The following YES1 variants were observed in gnomAD, a reference collection of about 807,000 sequenced individuals.
The protein encoded by YES1 is YES proto-oncogene 1, Src family tyrosine kinase.
In YES1, 39 loss-of-function variants were observed where a neutral mutation model predicts 70.4. The observed-to-expected ratio is 0.55, with a 90% CI of 0.43 to 0.72. The LOEUF (loss-of-function observed/expected upper bound fraction) is 0.72. Among genes scored for constraint, YES1 ranks in the 30% least tolerant of loss-of-function variants. The probability of loss-of-function intolerance (pLI) is 0.00; values close to 1 mark genes in which losing one functional copy is unlikely to be tolerated. For missense variants in YES1, 495 were observed against 644.8 expected, an observed-to-expected ratio of 0.77 and a Z score of 2.52; for synonymous variants, 198 against 218.6, an observed-to-expected ratio of 0.91 and a Z score of 0.83.
chr18:811,122 T>C (rs1417309246), intron 1 of YES1, among the ~76,000 whole-genome samples: 1 of 152,204 alleles, frequency 6.6e-6, no homozygotes, highest in Non-Finnish European at 1.5e-5. Context: ...ACAGTTATAA[T>C]ACATGAAGAT....
At chr18:729,371 T>C (rs1026597636) in intron 11 of YES1, among the ~76,000 whole-genome samples, 1 of 151,900 alleles carries the variant, frequency 6.6e-6, no homozygotes, top group Admixed American at 6.6e-5. Flanking sequence ...ACCAAGATCG[T>C]GCCACTGTAC....
intron 1 of YES1, among the ~76,000 whole-genome samples, chr18:801,812 T>C (rs994695176): frequency 6.6e-6 from 1 of 152,238 alleles, no homozygotes; most frequent in Non-Finnish European, 1.5e-5. Flanking sequence ...CTTTTGCATG[T>C]TTCTTTATTC....
intron 1 of YES1, among the ~76,000 whole-genome samples, chr18:782,987 T>A (rs1905751044): frequency 6.6e-6 from 1 of 152,200 alleles, no homozygotes. Flanking sequence ...CGGCTAACTT[T>A]CTGAATTTCT....
intron 6 of YES1, among the ~76,000 whole-genome samples, chr18:744,262 G>A (rs1157631191): frequency 6.6e-6 from 1 of 151,784 alleles, no homozygotes; most frequent in Non-Finnish European, 1.5e-5. Context: ...TTCTGCCTTT[G>A]TACACTGGGT....
chr18:801,939 T>C (rs780602055), intron 1 of YES1, among the ~76,000 whole-genome samples: 12 of 150,420 alleles, frequency 8.0e-5, no homozygotes, highest in Non-Finnish European at 1.6e-4. Context: ...GGACTTACTA[T>C]ATCATTTTCC....
intron 1 of YES1, chr18:775,202 T>C (rs1214589773): frequency 6.6e-6 from 1 of 152,178 alleles, no homozygotes; most frequent in Non-Finnish European, 1.5e-5. Flanking sequence ...ACATAGTGGC[T>C]GGTATTTGAA....
At chr18:737,115 A>C in intron 9 of YES1, 154 bp from the exon 10 acceptor site, 1 of 629,616 alleles carries the variant, frequency 1.6e-6, no homozygotes, top group Admixed American at 3.5e-5. Flanking sequence ...ATAACAGGAA[A>C]ACCAGAAAAC....
chr18:721,757 A>G lies in YES1; in HGVS notation c.*2667T>C, dbSNP rs2079954799. 6.6e-6 allele frequency: 1 copy of G among 152,380 alleles called. No individual in the cohort carries two copies. The highest frequency in any genetic ancestry group is 6.5e-5 in the Admixed American group (1 of 15,288). 9.4% of individuals were successfully genotyped at this position (152,380 alleles called of 1,614,324 possible). ...CTAAAACGATTAATAGGTGCATTCA[A>G]TGAGAACTTTTTATTTCAATTATCC... On this transcript the variant is annotated 3_prime_UTR_variant, in exon 12 of 12. Transcript: ENST00000314574.
chr18:744,070 A>G (rs1360204389), intron 6 of YES1, among the ~76,000 whole-genome samples: 5 of 150,204 alleles, frequency 3.3e-5, no homozygotes, highest in Admixed American at 6.6e-5. Context: ...CTTAAAATAT[A>G]TATTTTTTTA....
At chr18:803,844 G>A (rs1391585113) in intron 1 of YES1, among the ~76,000 whole-genome samples, 2 of 152,132 alleles carry the variant, frequency 1.3e-5, no homozygotes, top group Non-Finnish European at 2.9e-5. Context: ...CTGATAATCA[G>A]TCAGAAAATA....
At chr18:728,968 G>A (rs183971282) in intron 11 of YES1, among the ~76,000 whole-genome samples, 45 of 152,208 alleles carry the variant, frequency 3.0e-4, no homozygotes, top group African/African-American at 1.1e-3. Flanking sequence ...CTTAATCTGT[G>A]GGCTAGTATT....
intron 1 of YES1, among the ~76,000 whole-genome samples, chr18:767,974 T>TA (rs1280570929): frequency 2.6e-4 from 40 of 152,316 alleles, no homozygotes; most frequent in African/African-American, 9.1e-4. Flanking sequence ...GTGATGGAAT[T>TA]ACAGGCATGA....
intron 8 of YES1, among the ~76,000 whole-genome samples, chr18:742,010 G>C (rs2080221900): frequency 6.6e-6 from 1 of 152,080 alleles, no homozygotes; most frequent in East Asian, 1.9e-4. Context: ...TATGTAACTT[G>C]TAGTTGTCCT....
chr18:739,242 C>G (rs1598894842), intron 9 of YES1: 1 of 152,248 alleles, frequency 6.6e-6, no homozygotes. Context: ...TTAGATACCT[C>G]TCATCTTTTG....
At chr18:733,887 ATG>A (rs771823744) in intron 10 of YES1, among the ~76,000 whole-genome samples, 3 of 150,870 alleles carry the variant, frequency 2.0e-5, no homozygotes, top group Non-Finnish European at 4.4e-5. Context: ...AGTTATTTAT[ATG>A]TGTTTGTAGA....
At chr18:787,587 G>C (rs1259388801) in intron 1 of YES1, among the ~76,000 whole-genome samples, 1 of 151,980 alleles carries the variant, frequency 6.6e-6, no homozygotes, top group African/African-American at 2.4e-5. Flanking sequence ...GTGCGTGCCT[G>C]TAATTCCAGC....
rs1269695911 is a variant in YES1 at position 743,290 on chromosome 18, C to T, written c.850G>A (p.Gly284Arg). Residue 284 changes from glycine to arginine, a missense_variant, in exon 7 of 12, where the codon GGA becomes AGA. By Grantham distance (125) the Gly-to-Arg change is moderately radical. Around this residue, in one of 2 missense-constraint regions of YES1, gnomAD observed 385 missense variants for 540.9 expected, o/e 0.71. Coordinates refer to ENST00000314574, the MANE Select transcript of YES1 (RefSeq NM_005433.4). Reference sequence around the variant, plus strand: ...CACACTTCGCCGAAACATCCTTGTCCTAGTTTAACCTCTAGTCGCAAAGAT... The same window carrying T: ...CACACTTCGCCGAAACATCCTTGTCTTAGTTTAACCTCTAGTCGCAAAGAT... ...RESLRLEVKL[G>R]QGCFGEVWMG... 6.2e-7 allele frequency: 1 copy of T among 1,612,126 alleles called. No homozygotes were observed. Among genetic ancestry groups the T allele is most frequent in the South Asian group, 1.1e-5 (1 of 90,976 alleles).
chr18:786,496 T>TATACAC (rs1905948380), intron 1 of YES1, among the ~76,000 whole-genome samples: 1 of 139,438 alleles, frequency 7.2e-6, no homozygotes, highest in African/African-American at 2.7e-5. Context: ...AATAAGTCCA[T>TATACAC]ACACACACAC....
intron 2 of YES1, among the ~76,000 whole-genome samples, chr18:756,347 C>T (rs548708573): frequency 9.9e-5 from 15 of 152,062 alleles, no homozygotes; most frequent in Middle Eastern, 3.4e-3. Context: ...TGATCCAGTA[C>T]ATAATCACCA....
Sources: gnomAD v4.1 joint callset for allele counts (sites outside exome capture counted in the v4.1 genomes callset) on GRCh38, gnomAD v4.1.1 for gene constraint, gnomAD v4.1.1 regional missense constraint, MANE v1.5 for transcripts, NCBI Gene and HGNC (gene_info 2026-07-23, HGNC 2026-07-21) for gene names.